PTPRD: variants seen among roughly 807,000 people sequenced by gnomAD.
The protein encoded by PTPRD is protein tyrosine phosphatase receptor type D, also known as receptor-type tyrosine-protein phosphatase delta.
A neutral mutation model predicts 214.5 loss-of-function variants in PTPRD; 34 were observed. The observed-to-expected ratio is 0.16, with a 90% CI of 0.12 to 0.21. The LOEUF (loss-of-function observed/expected upper bound fraction) is 0.21, where lower values mean the gene tolerates loss of function less well. Ranked by LOEUF, PTPRD falls within the 10% of genes least tolerant of loss-of-function variation. PTPRD has a pLI of 1.00. For missense variants in PTPRD, 2,545 were observed against 2,398.7 expected (o/e 1.06, Z -1.27); for synonymous variants, 1,128 against 845.7 (o/e 1.33, Z -5.79).
intron 2 of PTPRD, among the ~76,000 whole-genome samples, chr9:10,453,784 C>A (rs1043039261): frequency 6.6e-6 from 1 of 151,266 alleles, no homozygotes; most frequent in Non-Finnish European, 1.5e-5. Context: ...ATGTGGATGT[C>A]TTTTATTTTT....
At chr9:9,279,686 T>A (rs1946956112) in intron 9 of PTPRD, among the ~76,000 whole-genome samples, 1 of 150,776 alleles carries the variant, frequency 6.6e-6, no homozygotes, top group African/African-American at 2.4e-5. Context: ...ATTATTAATA[T>A]TTTATATAAA....
intron 11 of PTPRD, among the ~76,000 whole-genome samples, chr9:8,893,738 T>C (rs1664287746): frequency 6.6e-6 from 1 of 151,996 alleles, no homozygotes; most frequent in African/African-American, 2.4e-5. Context: ...CATTTGAAAA[T>C]GTGGTATATT....
At chr9:9,725,937 C>G (rs2098082342) in intron 7 of PTPRD, among the ~76,000 whole-genome samples, 1 of 152,112 alleles carries the variant, frequency 6.6e-6, no homozygotes, top group Admixed American at 6.6e-5. Flanking sequence ...AAGCAGATGA[C>G]TTCAGGACAG....
chr9:9,409,105 A>G (rs1356281266), intron 8 of PTPRD, among the ~76,000 whole-genome samples: 3 of 151,948 alleles, frequency 2.0e-5, no homozygotes, highest in Non-Finnish European at 4.4e-5. Context: ...AAGATAGATG[A>G]GTAATATTCT....
At chr9:8,541,391 G>A (rs1264744087) in intron 14 of PTPRD, among the ~76,000 whole-genome samples, 1 of 152,044 alleles carries the variant, frequency 6.6e-6, no homozygotes, top group Non-Finnish European at 1.5e-5. Flanking sequence ...CACAATACCT[G>A]GCTCAATTAT....
chr9:9,653,832 ATAAAGACAAATTAGATT>A lies in PTPRD; in HGVS notation c.-286-79068_-286-79052del, dbSNP rs1429049778. ...CTAAGGACACATGGTATCTGAAGTGATAAAGACAAATTAGATTTATTTTCTTGCTCCCTTATGAAAGT... is the reference window on the plus strand; with the variant it reads ...CTAAGGACACATGGTATCTGAAGTGATATTTTCTTGCTCCCTTATGAAAGT... On this transcript the variant is annotated intron_variant, in intron 7 of 45. Transcript: ENST00000381196. 5.3e-5 allele frequency among the ~76,000 whole-genome samples: 8 copies of A among 152,366 alleles called. No individual in the cohort carries two copies. The South Asian group carries it at 1.0e-3, about 20-fold the overall frequency.
intron 11 of PTPRD, among the ~76,000 whole-genome samples, chr9:8,766,163 A>T (rs1167990536): frequency 1.4e-5 from 2 of 147,082 alleles, no homozygotes; most frequent in African/African-American, 5.1e-5. Context: ...ATTTGGTTCA[A>T]CCCCATTTCG....
intron 11 of PTPRD, among the ~76,000 whole-genome samples, chr9:8,919,866 T>TACATGCATGTATCATGCATACATAGATGG (rs2098813956): frequency 6.6e-6 from 1 of 150,618 alleles, no homozygotes. Flanking sequence ...TACATAGATG[T>TACATGCATGTATCATGCATACATAGATGG]ACATGCATGT....
intron 9 of PTPRD, among the ~76,000 whole-genome samples, chr9:9,200,640 C>T (rs2099941321): frequency 6.6e-6 from 1 of 152,290 alleles, no homozygotes; most frequent in East Asian, 1.9e-4. Flanking sequence ...TTTCATTACG[C>T]CACTCAGCAA....
chr9:10,161,518 C>A (rs1037720208), intron 3 of PTPRD, among the ~76,000 whole-genome samples: 2 of 151,668 alleles, frequency 1.3e-5, no homozygotes, highest in African/African-American at 2.4e-5. Flanking sequence ...AAACTAGACC[C>A]TATCTCTCAC....
intron 9 of PTPRD, among the ~76,000 whole-genome samples, chr9:9,256,633 C>T (rs1009683331): frequency 1.2e-4 from 18 of 151,876 alleles, no homozygotes; most frequent in African/African-American, 2.9e-4. Flanking sequence ...GTCCTAGCCT[C>T]GGTTCTTTCT....
intron 14 of PTPRD, among the ~76,000 whole-genome samples, chr9:8,599,960 C>T (rs10977227): frequency 1.3e-5 from 2 of 152,064 alleles, no homozygotes; most frequent in South Asian, 2.1e-4. Flanking sequence ...AGTGAGCACT[C>T]GCAGTGCCTA....
chr9:9,798,337 G>T (rs1335159769), intron 5 of PTPRD, among the ~76,000 whole-genome samples: 1 of 152,070 alleles, frequency 6.6e-6, no homozygotes, highest in Non-Finnish European at 1.5e-5. Flanking sequence ...CAAAGAAATA[G>T]AGAAACCTGT....
At chr9:9,568,813 C>T (rs1367785116) in intron 8 of PTPRD, among the ~76,000 whole-genome samples, 1 of 151,668 alleles carries the variant, frequency 6.6e-6, no homozygotes, top group African/African-American at 2.4e-5. Context: ...AGATGAAGAC[C>T]TTTTTGTAGC....
At chr9:9,030,885 C>T (rs981244790) in intron 10 of PTPRD, among the ~76,000 whole-genome samples, 4 of 151,794 alleles carry the variant, frequency 2.6e-5, no homozygotes, top group Admixed American at 6.6e-5. Flanking sequence ...CCTTGAGGAC[C>T]TTAGATTCAT....
intron 14 of PTPRD, among the ~76,000 whole-genome samples, chr9:8,559,333 A>G (rs58733780): frequency 0.22 from 32,732 of 152,162 alleles, 4,228 homozygotes; most frequent in African/African-American, 0.37. Flanking sequence ...ATTGTACATT[A>G]TATACAGATA....
intron 9 of PTPRD, among the ~76,000 whole-genome samples, chr9:9,349,965 A>T (rs907995508): frequency 6.6e-6 from 1 of 152,114 alleles, no homozygotes; most frequent in South Asian, 2.1e-4. Context: ...AATGTAGGCT[A>T]TCCAGTATCA....
intron 8 of PTPRD, among the ~76,000 whole-genome samples, chr9:9,520,399 C>G (rs1452824772): frequency 6.6e-6 from 1 of 151,350 alleles, no homozygotes; most frequent in Non-Finnish European, 1.5e-5. Flanking sequence ...CAAACCTGCT[C>G]AAGTATAGTA....
intron 3 of PTPRD, among the ~76,000 whole-genome samples, chr9:10,241,777 A>G (rs2091108193): frequency 6.6e-6 from 1 of 151,974 alleles, no homozygotes; most frequent in Non-Finnish European, 1.5e-5. Flanking sequence ...GTATAATTTC[A>G]TAAATAAATA....
Sources: allele counts gnomAD v4.1 joint callset (sites outside exome capture counted in the v4.1 genomes callset), GRCh38; gene constraint gnomAD v4.1.1; transcripts MANE v1.5; gene names NCBI Gene and HGNC (gene_info 2026-07-23, HGNC 2026-07-21).